Variants in DDX31 observed in about 807,000 individuals in gnomAD.
DDX31 encodes ATP-dependent DNA helicase DDX31.
DDX31 carries 70 observed loss-of-function variants against 91.3 expected under a neutral mutation model. That is an observed-to-expected ratio of 0.77 (90% confidence interval 0.63 to 0.94). The LOEUF (loss-of-function observed/expected upper bound fraction) is 0.94. Ranked by LOEUF, DDX31 falls within the 40% of genes least tolerant of loss-of-function variation. The pLI is 0.00. For missense variants in DDX31, 902 were observed against 925.0 expected (o/e 0.98, Z 0.32); for synonymous variants, 362 against 350.6 (o/e 1.03, Z -0.36).
chr9:132,637,714 G>T, intron 14 of DDX31: 1 of 548,706 alleles, frequency 1.8e-6, no homozygotes, highest in African/African-American at 2.1e-5. Flanking sequence ...TGTCAGAGGC[G>T]AGAGATCTTG....
Position 132,595,014 on chromosome 9 carries a change from T to C in DDX31, c.2093A>G (p.Lys698Arg). The change falls in exon 20 of 20, where the codon AAA becomes AGA. Residue 698 changes from lysine to arginine, a missense_variant. Coordinates refer to ENST00000372159, the MANE Select transcript of DDX31 (RefSeq NM_022779.9). This position sits in a 1 kb window ranked among gnomAD's most constrained non-coding sequence, Gnocchi z 4.6. ...AGGCTCTCCAGGTGCGTTTTGCTTT[T>C]TGACCTTGGCGATGTCGGCCTCCAT... ...SGMEADIAKV[K>R]KQNAPGEPGG... The C allele has an allele frequency of 6.2e-7, 1 of 1,614,234 alleles. No individual in the cohort carries two copies. The highest frequency in any genetic ancestry group is 8.5e-7 in the Non-Finnish European group (1 of 1,180,032).
chr9:132,662,368 G>A, intron 2 of DDX31, 32 bp from the exon 3 acceptor site: 1 of 1,614,058 alleles, frequency 6.2e-7, no homozygotes, highest in South Asian at 1.1e-5. Context: ...CCAGGCATCA[G>A]TGCCAATATT....
intron 1 of DDX31, chr9:132,669,653 T>C (rs1395155304): frequency 8.5e-6 from 13 of 1,531,654 alleles, no homozygotes; most frequent in Non-Finnish European, 1.1e-5. Flanking sequence ...ACCGCTCCAC[T>C]CCCCGCTTCC....
intron 13 of DDX31, among the ~76,000 whole-genome samples, 198 bp downstream of exon 13, chr9:132,645,697 C>A (rs941476960): frequency 5.9e-5 from 9 of 152,142 alleles, no homozygotes; most frequent in African/African-American, 2.2e-4. Flanking sequence ...ACTCCCCTTG[C>A]CCCCATCAAT....
Position 132,595,493 on chromosome 9 carries a change from C to T in DDX31, c.1995-381G>A, listed in dbSNP as rs1009961847. On this transcript the variant is annotated intron_variant, in intron 19 of 19. Coordinates refer to ENST00000372159, the MANE Select transcript of DDX31 (RefSeq NM_022779.9). The surrounding 1 kb of genome is among the most constrained non-coding windows in gnomAD (Gnocchi z 4.6). ...AACAACATGAAGCAGTGAAAGCTCA[C>T]GGCAGCTTCCCAGTAACCCCTAAGC... Among the ~76,000 whole-genome samples the T allele has an allele frequency of 1.2e-4, 19 of 152,162 alleles. No individual in the cohort carries two copies. Among genetic ancestry groups the T allele is most frequent in the Admixed American group, 1.0e-3 (16 of 15,280 alleles).
intron 16 of DDX31, among the ~76,000 whole-genome samples, chr9:132,628,332 C>T (rs976495673): frequency 1.3e-5 from 2 of 152,208 alleles, no homozygotes; most frequent in African/African-American, 4.8e-5. Flanking sequence ...AGACCTACTT[C>T]CTCCTTTCAG....
chr9:132,655,243 G>A (rs60669870), intron 6 of DDX31, among the ~76,000 whole-genome samples: 1,911 of 150,120 alleles, frequency 0.013, 36 homozygotes, highest in African/African-American at 0.044. Flanking sequence ...CAACCAATAA[G>A]AGAATGAGTC....
chr9:132,658,576 A>G, intron 6 of DDX31, 95 bp downstream of exon 6: 1 of 1,188,672 alleles, frequency 8.4e-7, no homozygotes, highest in South Asian at 1.3e-5. Flanking sequence ...CTCAGTGAAA[A>G]CAGATTCTTT....
At chr9:132,668,479 C>T (rs1386234967) in intron 1 of DDX31, among the ~76,000 whole-genome samples, 1 of 152,024 alleles carries the variant, frequency 6.6e-6, no homozygotes, top group Non-Finnish European at 1.5e-5. Flanking sequence ...TCTGAAGAGA[C>T]TTATTCTGAG....
intron 16 of DDX31, 143 bp from the exon 17 acceptor site, chr9:132,625,888 AACCC>A: frequency 1.6e-6 from 1 of 611,034 alleles, no homozygotes; most frequent in Non-Finnish European, 2.8e-6. Context: ...TATTTTCCTA[AACCC>A]TTAGGAATTG....
chr9:132,596,414 A>ATCTGC (rs1830437481), intron 19 of DDX31, among the ~76,000 whole-genome samples: 3 of 152,224 alleles, frequency 2.0e-5, no homozygotes, highest in Non-Finnish European at 4.4e-5. Flanking sequence ...CTCTGCAGGA[A>ATCTGC]AAGAAGATCT....
chr9:132,661,481 G>A (rs1834943342), intron 3 of DDX31, among the ~76,000 whole-genome samples: 2 of 152,108 alleles, frequency 1.3e-5, no homozygotes. Context: ...CAGGGGAGGG[G>A]GGCACTGCTG....
rs918644622 is a variant in DDX31, at chr9:132,645,976, T to G, written c.1299A>C (p.Ser433=). The change falls in exon 13 of 20, where the codon TCA becomes TCC. Residue 433 remains serine, a synonymous_variant. Transcript: ENST00000372159. ...GCAACTGCCCTGATGCCGGCGCCCC[T>G]GAGCTGCTCAGCAGGGTCTGTAGGA... ...SLFLQTLLSS[S]GAPASGQLPS... is the part of the protein sequence containing the mutation. The G allele has an allele frequency of 6.2e-7, 1 of 1,614,110 alleles. No individual in the cohort carries two copies. Among genetic ancestry groups the G allele is most frequent in the African/African-American group, 1.3e-5 (1 of 75,034 alleles).
intron 18 of DDX31, among the ~76,000 whole-genome samples, chr9:132,615,994 T>C (rs1311767508): frequency 6.6e-6 from 1 of 152,204 alleles, no homozygotes; most frequent in Non-Finnish European, 1.5e-5. Context: ...AGCAAGTCAA[T>C]AGTGGGGAAT....
intron 15 of DDX31, 98 bp from the exon 16 acceptor site, chr9:132,630,501 T>C (rs1832657566): frequency 8.0e-7 from 1 of 1,254,532 alleles, no homozygotes; most frequent in Non-Finnish European, 1.1e-6. Context: ...ATCCCAAGAA[T>C]TAAATCCTGG....
intron 19 of DDX31, among the ~76,000 whole-genome samples, chr9:132,605,188 A>T (rs1830941099): frequency 1.3e-5 from 2 of 152,100 alleles, no homozygotes; most frequent in African/African-American, 2.4e-5. Context: ...TCCTTTGTGC[A>T]CTTCCTCTCA....
rs758826453 is a variant in DDX31, at chr9:132,669,902, G to A, written c.33C>T (p.Asn11=). ...GGGGACGTCTGGAGAACGTCCTGGG[G>A]TTGTCGAAGAGCGAACCGTCGGCGG... MAAADGSLFD[N]PRTFSRRPPA... is the part of the protein sequence containing the mutation. Residue 11 remains asparagine (N), a synonymous_variant, in exon 1 of 20, where the codon AAC becomes AAT. Transcript: ENST00000372159. 1 of 1,597,506 alleles carries A rather than the reference G, an allele frequency of 6.3e-7. No homozygotes were observed.
intron 14 of DDX31, among the ~76,000 whole-genome samples, chr9:132,641,587 C>T (rs898309315): frequency 3.9e-5 from 6 of 152,176 alleles, no homozygotes; most frequent in African/African-American, 1.2e-4. Flanking sequence ...AAATGATAGT[C>T]GGAGACAGCA....
At chr9:132,654,430 G>A (rs1454607152) in intron 6 of DDX31, among the ~76,000 whole-genome samples, 4 of 152,046 alleles carry the variant, frequency 2.6e-5, no homozygotes. Context: ...GGCCAACATG[G>A]TGAAACCCTG....
Sources: allele counts gnomAD v4.1 joint callset (sites outside exome capture counted in the v4.1 genomes callset), GRCh38; gene constraint gnomAD v4.1.1; non-coding constraint Gnocchi (gnomAD v3.1); transcripts MANE v1.5; gene names NCBI Gene and HGNC (gene_info 2026-07-23, HGNC 2026-07-21).